The following FAM120C variants were observed in gnomAD, a reference collection of about 807,000 sequenced individuals.
FAM120C encodes constitutive coactivator of PPAR-gamma-like protein 2.
Under a neutral mutation model 71.2 loss-of-function variants are expected in FAM120C, and 14 were observed. The observed-to-expected ratio is 0.20, with a 90% CI of 0.13 to 0.31. The LOEUF (loss-of-function observed/expected upper bound fraction) is 0.31. FAM120C is among the 10% of genes least tolerant of loss of function. The pLI, the probability that FAM120C is intolerant of heterozygous loss-of-function variation, is 1.00. For synonymous variants in FAM120C, 354 were observed against 353.2 expected (o/e 1.00, Z -0.03); for missense variants, 500 against 879.0 (o/e 0.57, Z 5.45).
At chrX:54,107,026 C>G (rs2066910267) in intron 10 of FAM120C, among the ~76,000 whole-genome samples, 1 of 111,055 alleles carries the variant, frequency 9.0e-6, no homozygotes, top group Non-Finnish European at 1.9e-5. Context: ...TTTTTATGTT[C>G]CTGGATCTAG....
intron 4 of FAM120C, among the ~76,000 whole-genome samples, chrX:54,144,761 A>G (rs1470559790): frequency 2.1e-4 from 24 of 112,276 alleles, no homozygotes; most frequent in African/African-American, 7.4e-4. Context: ...TATAGATTCA[A>G]TGCCATCCCC....
chrX:54,180,694 C>T (rs1408148978), intron 1 of FAM120C, among the ~76,000 whole-genome samples: 1 of 111,762 alleles, frequency 8.9e-6, no homozygotes, highest in Non-Finnish European at 1.9e-5. Context: ...AAATCTCAGC[C>T]CTGCCACTTA....
chrX:54,158,959 CAA>C (rs2067223309), intron 2 of FAM120C, among the ~76,000 whole-genome samples: 1 of 111,447 alleles, frequency 9.0e-6, no homozygotes, highest in Admixed American at 9.6e-5. Flanking sequence ...ACAAAAGAAA[CAA>C]AGAGAAAAAC....
chrX:54,073,688 TC>T (rs2066721987), intron 15 of FAM120C, among the ~76,000 whole-genome samples: 1 of 110,910 alleles, frequency 9.0e-6, no homozygotes, highest in Non-Finnish European at 1.9e-5. Context: ...CGCCTGAGCC[TC>T]CCAAAGTGCT....
intron 1 of FAM120C, among the ~76,000 whole-genome samples, chrX:54,178,001 T>C (rs1557136865): frequency 8.9e-6 from 1 of 111,964 alleles, no homozygotes; most frequent in Non-Finnish European, 1.9e-5. Flanking sequence ...TTCAGAGTGG[T>C]GACATCAGAT....
chrX:54,129,468 C>T (rs1304238942), intron 9 of FAM120C, among the ~76,000 whole-genome samples: 3 of 108,021 alleles, frequency 2.8e-5, no homozygotes, highest in African/African-American at 6.8e-5. Flanking sequence ...GGATGGTGGC[C>T]GGGAAGAGGC....
chrX:54,173,579 T>C (rs1557136259), intron 1 of FAM120C, among the ~76,000 whole-genome samples: 2 of 112,642 alleles, frequency 1.8e-5, no homozygotes. Context: ...TGGTTTACTT[T>C]TAAATGGTAT....
intron 2 of FAM120C, among the ~76,000 whole-genome samples, chrX:54,158,685 C>T (rs1707625135): frequency 9.0e-6 from 1 of 111,413 alleles, no homozygotes; most frequent in South Asian, 3.9e-4. Context: ...AGGAGAATCA[C>T]TTGAACCTGG....
intron 4 of FAM120C, chrX:54,147,323 A>C (rs1170567303): frequency 9.0e-6 from 1 of 110,796 alleles, no homozygotes; most frequent in Non-Finnish European, 1.9e-5. Flanking sequence ...TCTCAAATAA[A>C]TAAATAAATA....
At chrX:54,180,141 G>T (rs2067340299) in intron 1 of FAM120C, among the ~76,000 whole-genome samples, 1 of 111,684 alleles carries the variant, frequency 9.0e-6, no homozygotes, top group Non-Finnish European at 1.9e-5. Flanking sequence ...GACTGATGGG[G>T]TATATAAACA....
chrX:54,135,491 G>A, intron 6 of FAM120C, 37 bp downstream of exon 6: 1 of 1,150,886 alleles, frequency 8.7e-7, no homozygotes, highest in Non-Finnish European at 1.2e-6. Context: ...AGCAACCTGA[G>A]TCTAATGCTA....
intron 15 of FAM120C, among the ~76,000 whole-genome samples, chrX:54,076,722 C>T (rs1242600886): frequency 1.4e-4 from 16 of 111,813 alleles, no homozygotes; most frequent in Non-Finnish European, 1.5e-4. Context: ...TTCGTAGGTT[C>T]CTGTAAGTAT....
At chrX:54,095,264 T>A (rs1603353195) in intron 10 of FAM120C, among the ~76,000 whole-genome samples, 1 of 110,855 alleles carries the variant, frequency 9.0e-6, no homozygotes, top group Admixed American at 9.8e-5. Context: ...TCCTATCCTA[T>A]TTATTCTATG....
At chrX:54,102,959 C>T (rs1268327339) in intron 10 of FAM120C, among the ~76,000 whole-genome samples, 4 of 110,458 alleles carry the variant, frequency 3.6e-5, no homozygotes, top group Non-Finnish European at 5.7e-5. Context: ...ACCTCATGAT[C>T]TGCCTGCCTC....
chrX:54,112,840 C>CAA (rs201361878), intron 10 of FAM120C, among the ~76,000 whole-genome samples: 111 of 73,428 alleles, frequency 1.5e-3, no homozygotes, highest in African/African-American at 5.4e-3. Context: ...GACTCTGTCT[C>CAA]AAAAAAAAAA....
In FAM120C at chrX:54,182,882, G is replaced by A; in HGVS notation, c.317C>T (p.Pro106Leu). 1 of 1,135,687 alleles carries A rather than the reference G, an allele frequency of 8.8e-7. No homozygotes were observed. Among genetic ancestry groups the A allele is most frequent in the East Asian group, 3.3e-5 (1 of 30,211 alleles). The allele number at this position is 1,135,687 out of a possible 1,213,427, so 93.6% of individuals were successfully genotyped here. A position where few individuals can be genotyped will look rare whatever the true frequency, so the allele number is the denominator to read the frequency against. ...QAQPGLHPPL[P>L]PPPPPQLPGA... ...GGGCAGCTGAGGGGGCGGCGGCGGC[G>A]GCAGCGGAGGGTGCAGCCCGGGCTG... The change falls in exon 1 of 16, where the codon CCG becomes CTG. Residue 106 changes from proline to leucine, a missense_variant. This residue lies in a region of FAM120C where 79 missense variants were observed against 78.3 expected (regional missense o/e 1.01). Transcript: ENST00000375180.
Position 54,081,352 on chromosome X carries a change from T to C in FAM120C, c.2948A>G (p.Gln983Arg), listed in dbSNP as rs782276844. ...TCCTGGCCCACCGACAGAAACCACT[T>C]GCATGCCGAAGGATCCTCGGCCCCT... ...SSRGRGSFGM[Q>R]VVSVGGPGKG... is the part of the protein sequence containing the mutation. The change falls in exon 14 of 16, where the codon CAA (glutamine) becomes CGA (arginine). Residue 983 changes from glutamine to arginine, a missense_variant. This residue lies in a region of FAM120C where 85 missense variants were observed against 96.1 expected (regional missense o/e 0.88). Transcript: ENST00000375180. 1 of 1,208,637 alleles carries C rather than the reference T, an allele frequency of 8.3e-7. No homozygotes were observed. The highest frequency in any genetic ancestry group is 1.8e-5 in the South Asian group (1 of 56,614).
At chrX:54,129,115 C>A (rs2067045956) in intron 9 of FAM120C, among the ~76,000 whole-genome samples, 1 of 104,309 alleles carries the variant, frequency 9.6e-6, no homozygotes, top group South Asian at 4.4e-4. Flanking sequence ...CCCCCCACCT[C>A]CCTCCCGGAC....
chrX:54,072,777 C>T lies in FAM120C; in HGVS notation c.*256G>A. ...AGAGGAGATAAATAAACTATTGGTGCTATATCTTCAATTTGAGACTAGGAC... is the reference window on the plus strand; with the variant it reads ...AGAGGAGATAAATAAACTATTGGTGTTATATCTTCAATTTGAGACTAGGAC... On this transcript the variant is annotated 3_prime_UTR_variant, in exon 16 of 16. Coordinates refer to ENST00000375180, the MANE Select transcript of FAM120C (RefSeq NM_017848.6). The T allele has an allele frequency of 3.3e-6, 1 of 305,913 alleles. No individual in the cohort carries two copies. Among genetic ancestry groups the T allele is most frequent in the Non-Finnish European group, 5.7e-6 (1 of 175,361 alleles). 25.2% of individuals were successfully genotyped at this position (305,913 alleles called of 1,213,427 possible).
Sources: allele counts gnomAD v4.1 joint callset (sites outside exome capture counted in the v4.1 genomes callset), GRCh38; gene constraint gnomAD v4.1.1; regional missense constraint gnomAD v4.1.1; transcripts MANE v1.5; gene names NCBI Gene and HGNC (gene_info 2026-07-23, HGNC 2026-07-21).